Variants in WDR27 observed in about 807,000 individuals in gnomAD.
WDR27 encodes the protein WD repeat domain 27.
Under a neutral mutation model 114.4 loss-of-function variants are expected in WDR27, and 100 were observed. That is an observed-to-expected ratio of 0.87 (90% CI 0.74 to 1.03). WDR27 has a LOEUF of 1.03. Ranked by LOEUF, WDR27 falls within the 50% of genes least tolerant of loss-of-function variation. WDR27 has a pLI of 0.00. For synonymous variants in WDR27, 449 were observed against 423.1 expected, an observed-to-expected ratio of 1.06 and a Z score of -0.75; for missense variants, 1,129 against 1,092.9, an observed-to-expected ratio of 1.03 and a Z score of -0.47.
chr6:169,542,715 A>G (rs1796977159), intron 25 of WDR27, among the ~76,000 whole-genome samples: 1 of 152,088 alleles, frequency 6.6e-6, no homozygotes, highest in Non-Finnish European at 1.5e-5. Context: ...AATGCATACT[A>G]AAGTGTTTAG....
intron 14 of WDR27, among the ~76,000 whole-genome samples, chr6:169,649,938 T>A (rs536396915): frequency 1.3e-4 from 16 of 120,996 alleles, no homozygotes; most frequent in Non-Finnish European, 2.2e-4. Context: ...ATCCCTCACC[T>A]CCGCATCCCT....
intron 2 of WDR27, among the ~76,000 whole-genome samples, chr6:169,673,322 C>T (rs116604055): frequency 0.014 from 2,157 of 152,066 alleles, 36 homozygotes; most frequent in African/African-American, 0.035. Context: ...TGGAGAATTC[C>T]ACTTCTAGTA....
intron 25 of WDR27, among the ~76,000 whole-genome samples, chr6:169,477,624 A>C (rs1452699148): frequency 6.6e-6 from 1 of 152,184 alleles, no homozygotes; most frequent in Non-Finnish European, 1.5e-5. Context: ...TTTTTAGTAC[A>C]GACATGGTTT....
intron 25 of WDR27, among the ~76,000 whole-genome samples, chr6:169,484,571 A>G (rs961371138): frequency 2.0e-5 from 3 of 152,242 alleles, no homozygotes; most frequent in African/African-American, 7.2e-5. Context: ...AGGAAGAATC[A>G]ATATCATTAA....
the WDR27 span, among the ~76,000 whole-genome samples, chr6:169,433,646 G>T: frequency 3.2e-4 from 48 of 152,274 alleles, no homozygotes; most frequent in Non-Finnish European, 3.5e-4. Flanking sequence ...CCTGGTTCTA[G>T]ATCCTTGAGG....
At chr6:169,630,008 A>C (rs1214126989) in intron 21 of WDR27, among the ~76,000 whole-genome samples, 3 of 152,064 alleles carry the variant, frequency 2.0e-5, no homozygotes, top group African/African-American at 7.2e-5. Flanking sequence ...TTCACGACTG[A>C]AATTTTTAAA....
chr6:169,438,586 G>A, the WDR27 span, among the ~76,000 whole-genome samples: 1 of 152,104 alleles, frequency 6.6e-6, no homozygotes, highest in African/African-American at 2.4e-5. Context: ...CAAGGTACTG[G>A]TTTTCTTGTT....
chr6:169,543,107 A>G (rs1797025562), intron 25 of WDR27, among the ~76,000 whole-genome samples: 1 of 152,144 alleles, frequency 6.6e-6, no homozygotes, highest in South Asian at 2.1e-4. Context: ...AAAATGGGAA[A>G]TGTGTAAATA....
At chr6:169,536,638 T>C (rs1435170066) in intron 25 of WDR27, among the ~76,000 whole-genome samples, 1 of 152,200 alleles carries the variant, frequency 6.6e-6, no homozygotes, top group Non-Finnish European at 1.5e-5. Context: ...AAATGCTCTT[T>C]AAGCCAAGAA....
At chr6:169,616,269 C>A (rs1250001318) in intron 21 of WDR27, among the ~76,000 whole-genome samples, 3 of 152,184 alleles carry the variant, frequency 2.0e-5, no homozygotes, top group African/African-American at 4.8e-5. Flanking sequence ...GCGGGCGGAT[C>A]ACGAGGTCAA....
At chr6:169,545,818 A>G (rs1242414630) in intron 25 of WDR27, among the ~76,000 whole-genome samples, 1 of 152,246 alleles carries the variant, frequency 6.6e-6, no homozygotes, top group Non-Finnish European at 1.5e-5. Flanking sequence ...TACTTTCTAT[A>G]TATGCACACA....
chr6:169,697,675 G>T (rs1375259365), intron 1 of WDR27, among the ~76,000 whole-genome samples: 3 of 152,234 alleles, frequency 2.0e-5, no homozygotes, highest in Non-Finnish European at 4.4e-5. Flanking sequence ...AAATAACGGT[G>T]TAAGTTGTTT....
chr6:169,520,075 A>G (rs1456248548), intron 25 of WDR27, among the ~76,000 whole-genome samples: 3 of 152,164 alleles, frequency 2.0e-5, no homozygotes, highest in Non-Finnish European at 2.9e-5. Context: ...AGCCAGAGAC[A>G]AAAGGGGGAA....
chr6:169,515,715 TATA>T (rs1321017893), intron 25 of WDR27, among the ~76,000 whole-genome samples: 1 of 151,150 alleles, frequency 6.6e-6, no homozygotes, highest in Non-Finnish European at 1.5e-5. Context: ...TTCAGCCAAA[TATA>T]ATAAATATAA....
chr6:169,459,486 T>C (rs1784657401), intron 25 of WDR27, among the ~76,000 whole-genome samples: 1 of 151,708 alleles, frequency 6.6e-6, no homozygotes, highest in African/African-American at 2.4e-5. Flanking sequence ...GGAGAAGAAA[T>C]AACAGTTGAA....
At chr6:169,647,256 C>T (rs542179627) in intron 16 of WDR27, among the ~76,000 whole-genome samples, 35 of 152,338 alleles carry the variant, frequency 2.3e-4, no homozygotes, top group African/African-American at 7.0e-4. Flanking sequence ...GCGACTGTCA[C>T]GGAAGCCGAG....
intron 25 of WDR27, among the ~76,000 whole-genome samples, chr6:169,458,934 TAAAC>T (rs993767758): frequency 1.3e-5 from 2 of 151,314 alleles, no homozygotes; most frequent in African/African-American, 2.4e-5. Context: ...ACAATCAAAA[TAAAC>T]AAAAATAAAC....
chr6:169,658,409 T>C, intron 12 of WDR27, 51 bp from the exon 13 acceptor site: 2 of 1,370,006 alleles, frequency 1.5e-6, no homozygotes, highest in Non-Finnish European at 2.0e-6. Context: ...GACGATACGA[T>C]GGAAATGCCT....
Position 169,542,913 on chromosome 6 carries a change from T to C in WDR27, c.2645+29506A>G, listed in dbSNP as rs117274461. Among the ~76,000 whole-genome samples, 205 of 152,206 alleles carry C rather than the reference T, an allele frequency of 1.3e-3. 4 individuals carry two copies. In the East Asian group the frequency reaches 0.032, roughly 24 times the overall value. ...AATTCATTACATGAAAATATTTCAA[T>C]ACATAATCAAGATAAAAGTTATTAT... On this transcript the variant is annotated intron_variant, in intron 25 of 25. Transcript: ENST00000448612.
Sources: gnomAD v4.1 joint callset for allele counts (sites outside exome capture counted in the v4.1 genomes callset) on GRCh38, gnomAD v4.1.1 for gene constraint, MANE v1.5 for transcripts, NCBI Gene and HGNC (gene_info 2026-07-23, HGNC 2026-07-21) for gene names.